STAU2: variants seen among roughly 807,000 people sequenced by gnomAD.
STAU2 encodes the protein double-stranded RNA-binding protein Staufen homolog 2.
Under a neutral mutation model 65.9 loss-of-function variants are expected in STAU2, and 20 were observed. The observed-to-expected ratio is 0.30, with a 90% CI of 0.21 to 0.44. The LOEUF is 0.44. Ranked by LOEUF, STAU2 falls within the 20% of genes least tolerant of loss-of-function variation. The pLI, the probability that STAU2 is intolerant of heterozygous loss-of-function variation, is 1.00. For missense variants in STAU2, 558 were observed against 683.9 expected (o/e 0.82, Z 2.05); for synonymous variants, 232 against 233.9 (o/e 0.99, Z 0.07).
chr8:73,641,460 G>T (rs1281949235), intron 6 of STAU2, among the ~76,000 whole-genome samples: 4 of 152,136 alleles, frequency 2.6e-5, no homozygotes, highest in African/African-American at 9.7e-5. Flanking sequence ...GGACAAAGTT[G>T]TGAAAACTGT....
At chr8:73,720,658 G>A (rs1469552498) in intron 3 of STAU2, among the ~76,000 whole-genome samples, 4 of 116,726 alleles carry the variant, frequency 3.4e-5, no homozygotes, top group Non-Finnish European at 5.2e-5. Flanking sequence ...GACTACAGGC[G>A]CCCGCCACCG....
chr8:73,517,843 T>C lies in STAU2; in HGVS notation c.1530+34169A>G, dbSNP rs186832482. Among the ~76,000 whole-genome samples the C allele has an allele frequency of 2.6e-3, 402 of 152,332 alleles. 1 individual carries two copies. Among genetic ancestry groups the C allele is most frequent in the African/African-American group, 8.5e-3 (352 of 41,580 alleles). ...AAGTCACTTGTGTGCACAATATCAC[T>C]GGATATATGCAATCTCTCAGAAATG... On this transcript the variant is annotated intron_variant, in intron 13 of 14. Coordinates refer to ENST00000524300, the MANE Select transcript of STAU2 (RefSeq NM_001164380.2).
At chr8:73,443,265 A>C (rs904073580) in intron 13 of STAU2, among the ~76,000 whole-genome samples, 2 of 152,244 alleles carry the variant, frequency 1.3e-5, no homozygotes, top group African/African-American at 4.8e-5. Context: ...TAATTTATCA[A>C]AAGGCTAGAA....
chr8:73,539,727 C>G (rs577477735), intron 13 of STAU2, among the ~76,000 whole-genome samples: 2 of 152,002 alleles, frequency 1.3e-5, no homozygotes, highest in Admixed American at 6.6e-5. Flanking sequence ...CCTGTAGTCC[C>G]AGCTATTCAG....
intron 13 of STAU2, among the ~76,000 whole-genome samples, chr8:73,485,368 A>C (rs1254935161): frequency 6.6e-6 from 1 of 151,960 alleles, no homozygotes; most frequent in East Asian, 1.9e-4. Context: ...ATTCTTTCCA[A>C]GACAGGCACA....
intron 1 of STAU2, chr8:73,742,502 C>T (rs899861267): frequency 4.0e-5 from 6 of 151,824 alleles, no homozygotes; most frequent in Non-Finnish European, 7.4e-5. Flanking sequence ...TGCACTCTAG[C>T]CTGGGTGACA....
At chr8:73,548,465 G>A (rs1397162334) in intron 13 of STAU2, among the ~76,000 whole-genome samples, 1 of 151,768 alleles carries the variant, frequency 6.6e-6, no homozygotes, top group Non-Finnish European at 1.5e-5. Context: ...CTTAAAAGAA[G>A]CCTGTGGCTA....
intron 13 of STAU2, among the ~76,000 whole-genome samples, chr8:73,528,506 T>C (rs1486999454): frequency 6.6e-6 from 1 of 152,186 alleles, no homozygotes; most frequent in African/African-American, 2.4e-5. Flanking sequence ...AAAATTTCCA[T>C]CCTTCCATTT....
intron 13 of STAU2, among the ~76,000 whole-genome samples, chr8:73,475,447 T>C (rs1174495944): frequency 6.6e-6 from 1 of 152,150 alleles, no homozygotes. Context: ...CCGGAACATA[T>C]GAATGAGTAT....
chr8:73,721,032 G>A (rs1821619561), intron 3 of STAU2, among the ~76,000 whole-genome samples: 1 of 149,096 alleles, frequency 6.7e-6, no homozygotes, highest in Admixed American at 6.7e-5. Context: ...GCAATCCTAG[G>A]AGTTTGGGAG....
chr8:73,490,202 T>C (rs1821094012), intron 13 of STAU2, among the ~76,000 whole-genome samples: 1 of 152,036 alleles, frequency 6.6e-6, no homozygotes, highest in African/African-American at 2.4e-5. Context: ...AAGGGGAGCT[T>C]CGCATAAGAT....
At chr8:73,486,274 T>C (rs1820905854) in intron 13 of STAU2, among the ~76,000 whole-genome samples, 1 of 152,088 alleles carries the variant, frequency 6.6e-6, no homozygotes, top group African/African-American at 2.4e-5. Context: ...AGTAACTAAA[T>C]TGATTCATTA....
chr8:73,622,123 A>ATTTTTT lies in STAU2; in HGVS notation c.411-4678_411-4673dup, dbSNP rs71269924. On this transcript the variant is annotated intron_variant, in intron 6 of 14. Transcript: ENST00000524300. ...AGGCGCCCGCCACCATGCCCAGCTAATTTTTTTTTTTTTTTTTTTTTTGAG... is the reference window on the plus strand; with the variant it reads ...AGGCGCCCGCCACCATGCCCAGCTAATTTTTTTTTTTTTTTTTTTTTTTTTTTTGAG... Among the ~76,000 whole-genome samples, 83 of 25,176 alleles carry ATTTTTT rather than the reference A, an allele frequency of 3.3e-3. 25 individuals are homozygous for ATTTTTT. Among genetic ancestry groups the ATTTTTT allele is most frequent in the Non-Finnish European group, 5.2e-3 (67 of 12,960 alleles). The allele number at this position is 25,176 out of a possible 152,430, so 16.5% of individuals were successfully genotyped here.
At chr8:73,558,092 A>G (rs1187382785) in intron 12 of STAU2, among the ~76,000 whole-genome samples, 2 of 152,254 alleles carry the variant, frequency 1.3e-5, no homozygotes, top group East Asian at 3.8e-4. Flanking sequence ...GACTCCAGGC[A>G]GTCTGCCTCT....
rs192853529 is a variant in STAU2, at chr8:73,472,245, C to T, written c.1531-49543G>A. ...TGAAAAGCTATACAGTTGGGTAACA[C>T]CCAATCAAAATAGTGCCGCTAATGG... On this transcript the variant is annotated intron_variant, in intron 13 of 14. Transcript: ENST00000524300. Among the ~76,000 whole-genome samples the T allele has an allele frequency of 1.2e-3, 182 of 152,242 alleles. 1 individual carries two copies. Among genetic ancestry groups the T allele is most frequent in the Admixed American group, 2.7e-3 (41 of 15,286 alleles).
chr8:73,532,536 A>G (rs563208461), intron 13 of STAU2, among the ~76,000 whole-genome samples: 7 of 152,120 alleles, frequency 4.6e-5, no homozygotes, highest in East Asian at 1.9e-4. Context: ...AAAAAATTAG[A>G]CAGGTGTGGT....
chr8:73,726,134 AC>A (rs1257767453), intron 3 of STAU2, among the ~76,000 whole-genome samples: 1 of 152,134 alleles, frequency 6.6e-6, no homozygotes, highest in Non-Finnish European at 1.5e-5. Context: ...ATTCGCAGCA[AC>A]CTGGATGGAA....
chr8:73,669,381 T>C (rs1459681798), intron 6 of STAU2, among the ~76,000 whole-genome samples: 1 of 152,152 alleles, frequency 6.6e-6, no homozygotes, highest in African/African-American at 2.4e-5. Context: ...ATAAATAAAA[T>C]TATTGTACCC....
intron 12 of STAU2, chr8:73,561,385 G>C: frequency 3.1e-6 from 1 of 323,346 alleles, no homozygotes; most frequent in Non-Finnish European, 6.0e-6. Flanking sequence ...CAAAATAGTT[G>C]CTGTGAAAAT....
Sources: allele counts gnomAD v4.1 joint callset (sites outside exome capture counted in the v4.1 genomes callset), GRCh38; gene constraint gnomAD v4.1.1; transcripts MANE v1.5; gene names NCBI Gene and HGNC (gene_info 2026-07-23, HGNC 2026-07-21).